The following THADA variants were observed in gnomAD, a reference collection of about 807,000 sequenced individuals.
THADA encodes tRNA (32-2'-O)-methyltransferase regulator THADA.
A neutral mutation model predicts 219.8 loss-of-function variants in THADA; 213 were observed. The ratio of observed to expected loss-of-function variants is 0.97; its 90% CI spans 0.87 to 1.09. The LOEUF (loss-of-function observed/expected upper bound fraction) is 1.09, where lower values mean the gene tolerates loss of function less well. Among genes scored for constraint, THADA ranks in the 50% least tolerant of loss-of-function variants. The pLI is 0.00. For synonymous variants in THADA, 1,018 were observed against 828.9 expected, an observed-to-expected ratio of 1.23 and a Z score of -3.92; for missense variants, 2,956 against 2,311.3, an observed-to-expected ratio of 1.28 and a Z score of -5.72.
chr2:43,574,797 C>T lies in THADA; in HGVS notation c.1268G>A (p.Arg423Gln), dbSNP rs752561176. Residue 423 changes from arginine (R) to glutamine (Q), a missense_variant, in exon 11 of 38, where the codon CGG becomes CAG. Transcript: ENST00000405975. Reference sequence around the variant, plus strand: ...GAAATCTGCACCTTCCACAGTGAGCCGGTGCATTTGGAGAAGGTTTTTGAA... The same window carrying T: ...GAAATCTGCACCTTCCACAGTGAGCTGGTGCATTTGGAGAAGGTTTTTGAA... ...IMFKNLLQMH[R>Q]LTVEGADFVP... The T allele has an allele frequency of 5.6e-6, 9 of 1,613,798 alleles. No individual in the cohort carries two copies. The highest frequency in any genetic ancestry group is 1.6e-4 in the Middle Eastern group (1 of 6,084).
At chr2:43,337,966 T>A (rs1027054691) in intron 30 of THADA, among the ~76,000 whole-genome samples, 7 of 152,138 alleles carry the variant, frequency 4.6e-5, no homozygotes, top group African/African-American at 1.7e-4. Flanking sequence ...ATAATTATCA[T>A]AAAATGTCAA....
chr2:43,501,774 T>C (rs1689017469), intron 24 of THADA, among the ~76,000 whole-genome samples: 1 of 152,084 alleles, frequency 6.6e-6, no homozygotes, highest in African/African-American at 2.4e-5. Context: ...TGAAACCCCA[T>C]CTCTACTAAA....
intron 26 of THADA, among the ~76,000 whole-genome samples, chr2:43,468,758 C>A (rs1408674306): frequency 1.3e-5 from 2 of 152,142 alleles, no homozygotes; most frequent in African/African-American, 4.8e-5. Context: ...CATACAGAAT[C>A]TGGGGCACAT....
intron 31 of THADA, among the ~76,000 whole-genome samples, chr2:43,302,266 G>C (rs936004523): frequency 1.3e-5 from 2 of 152,018 alleles, no homozygotes; most frequent in Non-Finnish European, 2.9e-5. Context: ...TCAAGTCCCT[G>C]CTTTAATGGC....
chr2:43,343,237 T>C (rs568343760), intron 30 of THADA: 5 of 152,408 alleles, frequency 3.3e-5, no homozygotes, highest in African/African-American at 9.6e-5. Context: ...GGTCTCGTTA[T>C]GTTGTCCAGG....
At chr2:43,594,255 T>C (rs1701905255) in intron 1 of THADA, among the ~76,000 whole-genome samples, 1 of 152,128 alleles carries the variant, frequency 6.6e-6, no homozygotes. Flanking sequence ...CTTAAAACTT[T>C]CCAAGGGTTT....
intron 24 of THADA, among the ~76,000 whole-genome samples, chr2:43,503,624 A>G (rs1689296555): frequency 6.6e-6 from 1 of 152,186 alleles, no homozygotes; most frequent in African/African-American, 2.4e-5. Context: ...CTGGTTTCAA[A>G]TATGTTCATT....
At chr2:43,235,372 C>T (rs546731863) in intron 36 of THADA, among the ~76,000 whole-genome samples, 55 of 152,272 alleles carry the variant, frequency 3.6e-4, no homozygotes, top group African/African-American at 1.1e-3. Context: ...CGGCTCACCG[C>T]GACCTCCGCT....
At chr2:43,361,849 G>C (rs1378012404) in intron 29 of THADA, among the ~76,000 whole-genome samples, 1 of 152,176 alleles carries the variant, frequency 6.6e-6, no homozygotes, top group Non-Finnish European at 1.5e-5. Context: ...CTAAGAATAA[G>C]TTGTACCACT....
At chr2:43,273,686 T>G (rs779980900) in intron 36 of THADA, among the ~76,000 whole-genome samples, 5 of 152,108 alleles carry the variant, frequency 3.3e-5, no homozygotes, top group Non-Finnish European at 7.4e-5. Context: ...CATCTGTGAC[T>G]CAGTGTGAAG....
chr2:43,367,197 C>T lies in THADA; in HGVS notation c.4228-22960G>A, dbSNP rs74413155. 2.6e-3 allele frequency among the ~76,000 whole-genome samples: 398 copies of T among 152,224 alleles called. 10 individuals are homozygous for T. The East Asian group carries it at 0.056, about 22-fold the overall frequency. ...GCTGAGAGAAAGGAGAAATAGGGCG[C>T]TGTTGTTTAATGGGTATAGAGTTTC... On this transcript the variant is annotated intron_variant, in intron 29 of 37. Transcript: ENST00000405975.
chr2:43,391,895 C>G (rs558310050), intron 29 of THADA: 1 of 152,154 alleles, frequency 6.6e-6, no homozygotes. Flanking sequence ...CACACTAACA[C>G]AAGTCTTCAA....
intron 26 of THADA, among the ~76,000 whole-genome samples, chr2:43,434,624 T>C (rs1679831114): frequency 6.6e-6 from 1 of 151,580 alleles, no homozygotes; most frequent in South Asian, 2.1e-4. Context: ...CAATGAGGAG[T>C]TTGGCCAGGG....
rs1379397615 is a variant in THADA, at chr2:43,574,627, G to A, written c.1438C>T (p.Gln480Ter). 3.1e-6 allele frequency: 5 copies of A among 1,613,966 alleles called. No homozygotes were observed. The highest frequency in any genetic ancestry group is 4.2e-6 in the Non-Finnish European group (5 of 1,179,878). The change falls in exon 11 of 38, where the codon CAA becomes TAA. Residue 480 changes from glutamine (Q) to a stop codon, truncating the protein, a stop_gained. Transcript: ENST00000405975. LOFTEE classifies it high-confidence loss of function. The part of the protein sequence containing the change: ...ILAIDKTIPS[Q>*]ILEVMGDQSL... ...TGGTCTCCCATCACCTCTAAGATTTGAGATGGAATAGTTTTATCTATAGCC... is the reference window on the plus strand; with the variant it reads ...TGGTCTCCCATCACCTCTAAGATTTAAGATGGAATAGTTTTATCTATAGCC...
At chr2:43,252,638 G>A (rs550181170) in intron 36 of THADA, among the ~76,000 whole-genome samples, 1 of 151,986 alleles carries the variant, frequency 6.6e-6, no homozygotes, top group East Asian at 1.9e-4. Context: ...CCACATCCTT[G>A]ACCTTGCCCT....
chr2:43,232,509 T>G (rs1667558245), intron 37 of THADA, among the ~76,000 whole-genome samples: 1 of 152,182 alleles, frequency 6.6e-6, no homozygotes, highest in African/African-American at 2.4e-5. Flanking sequence ...CTCCCCTGGC[T>G]AAGCTGGAGG....
At chr2:43,591,336 TAAAAC>T (rs1322615080) in intron 3 of THADA, among the ~76,000 whole-genome samples, 1 of 152,026 alleles carries the variant, frequency 6.6e-6, no homozygotes, top group Non-Finnish European at 1.5e-5. Context: ...AAAAAATAAA[TAAAAC>T]AAAGTGTCAA....
chr2:43,485,429 A>G, intron 25 of THADA, 104 bp from the exon 26 acceptor site: 2 of 776,572 alleles, frequency 2.6e-6, no homozygotes, highest in African/African-American at 1.8e-5. Context: ...CTAACTGGCT[A>G]GTGTGAGGCT....
At chr2:43,454,467 T>TG (rs1010423481) in intron 26 of THADA, among the ~76,000 whole-genome samples, 6 of 152,142 alleles carry the variant, frequency 3.9e-5, no homozygotes, top group African/African-American at 1.4e-4. Context: ...CCAGGTGTGT[T>TG]GGTGTGAGCC....
Sources: gnomAD v4.1 joint callset for allele counts (sites outside exome capture counted in the v4.1 genomes callset) on GRCh38, gnomAD v4.1.1 for gene constraint, MANE v1.5 for transcripts, NCBI Gene and HGNC (gene_info 2026-07-23, HGNC 2026-07-21) for gene names.